ATP11A: variants seen among roughly 807,000 people sequenced by gnomAD.
ATP11A encodes the protein phospholipid-transporting ATPase IH.
In ATP11A, 81 loss-of-function variants were observed where a neutral mutation model predicts 154.4. That is an observed-to-expected ratio of 0.52 (90% CI 0.44 to 0.63). The LOEUF is 0.63. ATP11A is among the 30% of genes least tolerant of loss of function. The probability of loss-of-function intolerance (pLI) is 0.00; values close to 1 mark genes in which losing one functional copy is unlikely to be tolerated. For missense variants in ATP11A, 1,316 were observed against 1,474.3 expected (o/e 0.89, Z 1.76); for synonymous variants, 623 against 585.9 (o/e 1.06, Z -0.91).
At chr13:112,702,259 G>A (rs1008113848) in intron 1 of ATP11A, among the ~76,000 whole-genome samples, 2 of 150,208 alleles carry the variant, frequency 1.3e-5, no homozygotes, top group Non-Finnish European at 3.0e-5. Flanking sequence ...GGCAGGAGAA[G>A]CGCTTGAACC....
At chr13:112,765,135 G>A (rs543479147) in intron 1 of ATP11A, among the ~76,000 whole-genome samples, 91 of 145,818 alleles carry the variant, frequency 6.2e-4, no homozygotes, top group African/African-American at 2.1e-3. Context: ...GTTGACAGTG[G>A]CTGGCTTGCC....
In ATP11A at chr13:112,866,640, T is replaced by C. The variant is rs1331189515; in HGVS notation, c.2991+4065T>C. ...AGAAAGTCCCTCTTCAGCAGCCCCTTCTGGGTGACTTCTAAACAGAAATCG... is the reference window on the plus strand; with the variant it reads ...AGAAAGTCCCTCTTCAGCAGCCCCTCCTGGGTGACTTCTAAACAGAAATCG... On this transcript the variant is annotated intron_variant, in intron 25 of 29. Transcript: ENST00000375645. Among the ~76,000 whole-genome samples the C allele has an allele frequency of 1.3e-5, 2 of 151,052 alleles. 1 individual carries two copies. Among genetic ancestry groups the C allele is most frequent in the Non-Finnish European group, 2.9e-5 (2 of 67,836 alleles).
intron 17 of ATP11A, among the ~76,000 whole-genome samples, chr13:112,843,331 G>A (rs573360555): frequency 2.0e-5 from 3 of 152,220 alleles, no homozygotes; most frequent in South Asian, 2.1e-4. Context: ...TGGGTGATGC[G>A]TGGCTGGGTG....
At chr13:112,804,860 G>A (rs1332026960) in intron 2 of ATP11A, 97 bp from the exon 3 acceptor site, 1 of 650,088 alleles carries the variant, frequency 1.5e-6, no homozygotes, top group Non-Finnish European at 2.5e-6. Context: ...TAAACATTTT[G>A]TACTGTAAAA....
At chr13:112,768,321 C>T (rs915187845) in intron 1 of ATP11A, among the ~76,000 whole-genome samples, 5 of 152,232 alleles carry the variant, frequency 3.3e-5, no homozygotes, top group Non-Finnish European at 5.9e-5. Context: ...GAGTTGGCGT[C>T]GGCCACTGGC....
intron 25 of ATP11A, among the ~76,000 whole-genome samples, chr13:112,864,532 A>G (rs1243610496): frequency 3.9e-5 from 3 of 77,660 alleles, no homozygotes; most frequent in African/African-American, 5.2e-5. Flanking sequence ...AGCGGGGTCC[A>G]TCACCACCTG....
chr13:112,707,857 C>A (rs1887323916), intron 1 of ATP11A, among the ~76,000 whole-genome samples: 1 of 152,180 alleles, frequency 6.6e-6, no homozygotes, highest in Admixed American at 6.5e-5. Flanking sequence ...AAAAAAAGGT[C>A]CTGGTCACTG....
Position 112,753,332 on chromosome 13 carries a change from G to A in ATP11A, c.40-31803G>A. ...TTGTGAGTACATCAGCTATATTTCT[G>A]CGAGGACAGCTTTGGGATCGCTTTG... is the stretch of plus-strand genomic sequence containing the variant. On this transcript the variant is annotated intron_variant, in intron 1 of 29. Transcript: ENST00000375645. This position sits in a 1 kb window ranked among gnomAD's most constrained non-coding sequence, Gnocchi z 4.1. 6.6e-6 allele frequency among the ~76,000 whole-genome samples: 1 copy of A among 152,170 alleles called. No homozygotes were observed.
chr13:112,865,051 G>A (rs538546459), intron 25 of ATP11A, among the ~76,000 whole-genome samples: 10 of 124,636 alleles, frequency 8.0e-5, no homozygotes, highest in East Asian at 8.0e-4. Flanking sequence ...AGCGTAGCAC[G>A]TGCAGCTTCC....
chr13:112,844,967 C>A (rs1229092965), intron 17 of ATP11A, among the ~76,000 whole-genome samples: 1 of 151,968 alleles, frequency 6.6e-6, no homozygotes, highest in Admixed American at 6.6e-5. Context: ...CAGTACTAGT[C>A]CAAGTGCCAG....
chr13:112,874,955 T>G (rs2080672434), intron 27 of ATP11A, among the ~76,000 whole-genome samples: 1 of 152,198 alleles, frequency 6.6e-6, no homozygotes, highest in East Asian at 1.9e-4. Context: ...CCTCTCACAT[T>G]GTTTCCTAAA....
intron 1 of ATP11A, among the ~76,000 whole-genome samples, chr13:112,744,686 A>G (rs1172414568): frequency 6.6e-6 from 1 of 152,130 alleles, no homozygotes; most frequent in Non-Finnish European, 1.5e-5. Context: ...AGGAAAGTGC[A>G]TCCTCCACAC....
chr13:112,837,629 T>G (rs892895735), intron 16 of ATP11A, among the ~76,000 whole-genome samples: 1 of 152,146 alleles, frequency 6.6e-6, no homozygotes, highest in Non-Finnish European at 1.5e-5. Flanking sequence ...CCAGGCTGCA[T>G]TTAGCTCTTT....
chr13:112,772,084 T>C (rs2077238461), intron 1 of ATP11A, among the ~76,000 whole-genome samples: 1 of 152,230 alleles, frequency 6.6e-6, no homozygotes, highest in African/African-American at 2.4e-5. Context: ...CCTTACCTGG[T>C]TGGATACTGT....
rs778977240 is a variant in ATP11A, at chr13:112,690,423, T to C, written c.7T>C (p.Cys3Arg). 2 of 1,339,978 alleles carry C rather than the reference T, an allele frequency of 1.5e-6. No homozygotes were observed. Among genetic ancestry groups the C allele is most frequent in the East Asian group, 2.9e-5 (1 of 34,774 alleles). 83.0% of individuals were successfully genotyped at this position (1,339,978 alleles called of 1,614,324 possible). MD[C>R]SLVRTLVHRY... ...GGGAGCGGCCGGAGGAGCCATGGAC[T>C]GCAGCCTCGTGCGGACGCTCGTGCA... is the stretch of plus-strand genomic sequence containing the variant. Residue 3 changes from cysteine (C) to arginine (R), a missense_variant, in exon 1 of 30, where the codon TGC (cysteine) becomes CGC (arginine). Transcript: ENST00000375645. The surrounding 1 kb of genome is among the most constrained non-coding windows in gnomAD (Gnocchi z 5.6).
rs531749066 is a variant in ATP11A at position 112,697,727 on chromosome 13, GTTTTTTTTTT to G, written c.39+7289_39+7298del. On this transcript the variant is annotated intron_variant, in intron 1 of 29. Coordinates refer to ENST00000375645, the MANE Select transcript of ATP11A (RefSeq NM_015205.3). This position sits in a 1 kb window ranked among gnomAD's most constrained non-coding sequence, Gnocchi z 4.0. ...GGATTTGTGCCACGACGCCCGGCCA[GTTTTTTTTTT>G]TTTTTTTTTTTTTTTTAGTAGAGAT... Among the ~76,000 whole-genome samples the G allele has an allele frequency of 0.53, 67,269 of 126,804 alleles. 17,537 individuals are homozygous for G. Among genetic ancestry groups the G allele is most frequent in the South Asian group, 0.55 (2,137 of 3,872 alleles). 83.2% of individuals were successfully genotyped at this position (126,804 alleles called of 152,430 possible).
chr13:112,713,163 G>T (rs993015011), intron 1 of ATP11A, among the ~76,000 whole-genome samples: 7 of 152,192 alleles, frequency 4.6e-5, no homozygotes, highest in African/African-American at 1.7e-4. Flanking sequence ...TTGGGAGGCT[G>T]AGGCAGGCGG....
intron 14 of ATP11A, among the ~76,000 whole-genome samples, chr13:112,833,235 A>T (rs957217922): frequency 6.6e-6 from 1 of 152,064 alleles, no homozygotes; most frequent in Admixed American, 6.6e-5. Context: ...CCGGCGCGTG[A>T]GTCTTCATCT....
intron 22 of ATP11A, chr13:112,858,915 A>G (rs567178724): frequency 1.6e-5 from 3 of 183,260 alleles, no homozygotes; most frequent in Admixed American, 1.1e-4. Flanking sequence ...GAGCATAGAC[A>G]GGGTTCAGGA....
Sources: gnomAD v4.1 joint callset for allele counts (sites outside exome capture counted in the v4.1 genomes callset) on GRCh38, gnomAD v4.1.1 for gene constraint, Gnocchi (gnomAD v3.1) non-coding constraint, MANE v1.5 for transcripts, NCBI Gene and HGNC (gene_info 2026-07-23, HGNC 2026-07-21) for gene names.